AUTS2: variants seen among roughly 807,000 people sequenced by gnomAD.
The protein encoded by AUTS2 is autism susceptibility gene 2 protein.
A neutral mutation model predicts 112.4 loss-of-function variants in AUTS2; 17 were observed. The ratio of observed to expected loss-of-function variants is 0.15; its 90% confidence interval spans 0.10 to 0.23. The LOEUF is 0.23. Among genes scored for constraint, AUTS2 ranks in the 10% least tolerant of loss-of-function variants. The probability of loss-of-function intolerance (pLI) is 1.00; values close to 1 mark genes in which losing one functional copy is unlikely to be tolerated. For missense variants in AUTS2, 1,510 were observed against 1,701.6 expected (o/e 0.89, Z 1.98); for synonymous variants, 751 against 702.7 (o/e 1.07, Z -1.09).
intron 4 of AUTS2, among the ~76,000 whole-genome samples, chr7:70,333,187 CGGCCA>C (rs1790837245): frequency 6.6e-6 from 1 of 152,034 alleles, no homozygotes; most frequent in Non-Finnish European, 1.5e-5. Flanking sequence ...GACATTTATG[CGGCCA>C]AGAAACATGA....
chr7:70,394,764 A>G (rs1001928825), intron 4 of AUTS2, among the ~76,000 whole-genome samples: 7 of 151,868 alleles, frequency 4.6e-5, no homozygotes, highest in Admixed American at 1.3e-4. Context: ...TTCTAGAACC[A>G]TAGTGTTCCC....
intron 6 of AUTS2, among the ~76,000 whole-genome samples, chr7:70,732,166 CA>C (rs544718495): frequency 2.6e-4 from 39 of 152,254 alleles, no homozygotes; most frequent in Admixed American, 4.6e-4. Context: ...TTACAGCTTT[CA>C]AAGTGTTTTC....
intron 4 of AUTS2, among the ~76,000 whole-genome samples, chr7:70,406,208 C>G (rs566222101): frequency 2.9e-4 from 44 of 152,302 alleles, no homozygotes; most frequent in Non-Finnish European, 5.0e-4. Context: ...CCTGCCACCC[C>G]CTTCCTTCCT....
At chr7:70,782,299 T>G (rs1442354193) in intron 15 of AUTS2, 1 of 152,530 alleles carries the variant, frequency 6.6e-6, no homozygotes, top group Non-Finnish European at 1.5e-5. Flanking sequence ...CAAAACGTAA[T>G]ACTATTGCCT....
intron 6 of AUTS2, among the ~76,000 whole-genome samples, chr7:70,724,141 C>A (rs1786867456): frequency 6.6e-6 from 1 of 152,220 alleles, no homozygotes; most frequent in Non-Finnish European, 1.5e-5. Flanking sequence ...ATCCGCCTGC[C>A]TCGGCCTCTC....
chr7:69,768,435 T>C (rs1267979572), intron 1 of AUTS2, among the ~76,000 whole-genome samples: 1 of 152,208 alleles, frequency 6.6e-6, no homozygotes, highest in African/African-American at 2.4e-5. Flanking sequence ...ACCTGCTCAG[T>C]TCAAACCCTG....
At chr7:70,398,614 TA>T (rs1174552540) in intron 4 of AUTS2, among the ~76,000 whole-genome samples, 2 of 152,198 alleles carry the variant, frequency 1.3e-5, no homozygotes, top group Non-Finnish European at 2.9e-5. Flanking sequence ...ATAGTTCTAG[TA>T]GCTTTTTTAT....
chr7:69,699,080 G>GA (rs1352612577), intron 1 of AUTS2, among the ~76,000 whole-genome samples: 2 of 152,182 alleles, frequency 1.3e-5, no homozygotes, highest in African/African-American at 4.8e-5. Flanking sequence ...AATAGAAAAA[G>GA]AATTTGGAGA....
At chr7:69,825,456 G>T (rs1562909184) in intron 1 of AUTS2, among the ~76,000 whole-genome samples, 1 of 152,010 alleles carries the variant, frequency 6.6e-6, no homozygotes. Flanking sequence ...AGAACCAGTG[G>T]CATGAGAACA....
chr7:70,432,710 G>C (rs7779627), intron 4 of AUTS2, among the ~76,000 whole-genome samples: 149,653 of 152,306 alleles, frequency 0.98, 73,591 homozygotes, highest in East Asian at 1. Context: ...GCATTTATTG[G>C]CTTTGCATAA....
At chr7:70,585,325 T>C (rs1802630479) in intron 5 of AUTS2, among the ~76,000 whole-genome samples, 1 of 152,146 alleles carries the variant, frequency 6.6e-6, no homozygotes, top group African/African-American at 2.4e-5. Context: ...TGCTGGTGTT[T>C]TCTTGCGCTC....
intron 1 of AUTS2, among the ~76,000 whole-genome samples, chr7:69,882,239 A>T (rs1794088015): frequency 6.8e-6 from 1 of 147,576 alleles, no homozygotes; most frequent in African/African-American, 2.5e-5. Context: ...TGGGAGGCTG[A>T]GGTGAAAGAA....
At chr7:69,941,062 A>G (rs951402533) in intron 2 of AUTS2, among the ~76,000 whole-genome samples, 2 of 152,210 alleles carry the variant, frequency 1.3e-5, no homozygotes, top group Non-Finnish European at 2.9e-5. Context: ...CTGAGAGAAT[A>G]CACATGCACG....
At chr7:69,799,303 A>G (rs1789979394) in intron 1 of AUTS2, among the ~76,000 whole-genome samples, 1 of 152,080 alleles carries the variant, frequency 6.6e-6, no homozygotes, top group Admixed American at 6.6e-5. Flanking sequence ...CTTCATTTTT[A>G]TGTTTTTACC....
intron 2 of AUTS2, among the ~76,000 whole-genome samples, chr7:70,022,522 T>C (rs1800323679): frequency 6.6e-6 from 1 of 152,064 alleles, no homozygotes. Context: ...GGTTTTACCA[T>C]GTTGGCCAGG....
At chr7:69,986,025 A>T (rs1798501572) in intron 2 of AUTS2, among the ~76,000 whole-genome samples, 1 of 152,160 alleles carries the variant, frequency 6.6e-6, no homozygotes, top group South Asian at 2.1e-4. Flanking sequence ...GACCTCTCAA[A>T]GTGCTGGGAT....
intron 1 of AUTS2, among the ~76,000 whole-genome samples, chr7:69,868,892 G>T (rs1160294037): frequency 1.3e-5 from 2 of 152,200 alleles, no homozygotes; most frequent in Non-Finnish European, 2.9e-5. Flanking sequence ...GTTCCCCTCT[G>T]CTAGCTTGGA....
At chr7:70,252,328 A>C (rs1786645070) in intron 4 of AUTS2, among the ~76,000 whole-genome samples, 1 of 152,082 alleles carries the variant, frequency 6.6e-6, no homozygotes, top group South Asian at 2.1e-4. Flanking sequence ...TGTGGCTTTA[A>C]CTTTAATTTC....
At chr7:70,727,679 T>A (rs11764444) in intron 6 of AUTS2, among the ~76,000 whole-genome samples, 38,822 of 152,118 alleles carry the variant, frequency 0.26, 5,103 homozygotes, top group Middle Eastern at 0.36. Context: ...TTTCAGAGGT[T>A]AAAAATTTGT....
Sources: allele counts gnomAD v4.1 joint callset (sites outside exome capture counted in the v4.1 genomes callset), GRCh38; gene constraint gnomAD v4.1.1; transcripts MANE v1.5; gene names NCBI Gene and HGNC (gene_info 2026-07-23, HGNC 2026-07-21).